The following GLCCI1 variants were observed in gnomAD, a reference collection of about 807,000 sequenced individuals.
GLCCI1 encodes glucocorticoid-induced transcript 1 protein.
Under a neutral mutation model 52.2 loss-of-function variants are expected in GLCCI1, and 24 were observed. The ratio of observed to expected loss-of-function variants is 0.46; its 90% CI spans 0.33 to 0.65. GLCCI1 has a LOEUF of 0.65. Among genes scored for constraint, GLCCI1 ranks in the 30% least tolerant of loss-of-function variants. The pLI is 0.02. For synonymous variants in GLCCI1, 310 were observed against 276.5 expected, an observed-to-expected ratio of 1.12 and a Z score of -1.20; for missense variants, 704 against 701.5, an observed-to-expected ratio of 1.00 and a Z score of -0.04.
At chr7:8,078,442 G>C (rs1479686560) in intron 6 of GLCCI1, among the ~76,000 whole-genome samples, 1 of 152,034 alleles carries the variant, frequency 6.6e-6, no homozygotes, top group East Asian at 1.9e-4. Flanking sequence ...CCACACCCTT[G>C]TCAGCAATTT....
At chr7:8,083,670 A>G (rs1783042970) in intron 6 of GLCCI1, among the ~76,000 whole-genome samples, 1 of 150,580 alleles carries the variant, frequency 6.6e-6, no homozygotes, top group African/African-American at 2.4e-5. Context: ...AATGATAGAG[A>G]AACTGTGTGG....
At chr7:8,003,170 T>C (rs1421409363) in intron 1 of GLCCI1, among the ~76,000 whole-genome samples, 1 of 152,134 alleles carries the variant, frequency 6.6e-6, no homozygotes, top group African/African-American at 2.4e-5. Context: ...AGAAACAGGC[T>C]TAGGGTGCCA....
chr7:8,039,922 A>T (rs1216971974), intron 3 of GLCCI1, among the ~76,000 whole-genome samples: 1 of 150,934 alleles, frequency 6.6e-6, no homozygotes, highest in East Asian at 2.0e-4. Context: ...ACTTGCACCC[A>T]GGAGGCAGAG....
chr7:8,077,186 A>G (rs1383572636), intron 6 of GLCCI1, among the ~76,000 whole-genome samples: 1 of 152,054 alleles, frequency 6.6e-6, no homozygotes, highest in East Asian at 1.9e-4. Flanking sequence ...GGAAAATAAT[A>G]GGGTGTCACC....
chr7:8,052,262 A>G (rs1037444537), intron 3 of GLCCI1, among the ~76,000 whole-genome samples: 1 of 152,234 alleles, frequency 6.6e-6, no homozygotes, highest in Non-Finnish European at 1.5e-5. Context: ...CTCAGCACTC[A>G]AACCGCAAAC....
chr7:8,021,150 T>A (rs1355153944), intron 2 of GLCCI1, among the ~76,000 whole-genome samples: 1 of 152,194 alleles, frequency 6.6e-6, no homozygotes, highest in African/African-American at 2.4e-5. Context: ...TAAGACGTGG[T>A]GATTATTTTA....
intron 6 of GLCCI1, 101 bp from the exon 7 acceptor site, chr7:8,084,796 A>T (rs1400615704): frequency 2.6e-6 from 3 of 1,139,490 alleles, no homozygotes; most frequent in Non-Finnish European, 3.8e-6. Flanking sequence ...GTCAAAGCAT[A>T]GGGGCAGTAG....
At chr7:8,078,091 G>A (rs1030837523) in intron 6 of GLCCI1, among the ~76,000 whole-genome samples, 10 of 151,660 alleles carry the variant, frequency 6.6e-5, no homozygotes, top group Admixed American at 1.3e-4. Flanking sequence ...AAAATGAGCC[G>A]GGCGTGGTGG....
At chr7:7,971,773 G>A (rs1184098654) in intron 1 of GLCCI1, among the ~76,000 whole-genome samples, 1 of 152,164 alleles carries the variant, frequency 6.6e-6, no homozygotes, top group Non-Finnish European at 1.5e-5. Flanking sequence ...TGGCACATAC[G>A]AGTTTAATGC....
intron 1 of GLCCI1, among the ~76,000 whole-genome samples, chr7:8,001,547 A>C (rs1458432766): frequency 1.3e-5 from 2 of 152,334 alleles, no homozygotes; most frequent in East Asian, 3.9e-4. Context: ...GACAGTGGTG[A>C]TTCCTCAAGG....
intron 5 of GLCCI1, among the ~76,000 whole-genome samples, chr7:8,062,805 C>T (rs1371168474): frequency 6.6e-6 from 1 of 152,152 alleles, no homozygotes; most frequent in Non-Finnish European, 1.5e-5. Context: ...TGGTCTTACT[C>T]TTTTTATGGC....
chr7:8,061,980 T>C (rs1281928568), intron 5 of GLCCI1, among the ~76,000 whole-genome samples: 1 of 152,182 alleles, frequency 6.6e-6, no homozygotes. Flanking sequence ...TAAAGTGTTT[T>C]TTTTATGCAT....
At chr7:7,990,024 T>C (rs1285996867) in intron 1 of GLCCI1, among the ~76,000 whole-genome samples, 1 of 151,844 alleles carries the variant, frequency 6.6e-6, no homozygotes, top group East Asian at 1.9e-4. Flanking sequence ...TTTAAAAATG[T>C]AATCAGAAGT....
intron 5 of GLCCI1, among the ~76,000 whole-genome samples, chr7:8,063,548 G>T (rs574722893): frequency 9.3e-5 from 14 of 150,220 alleles, no homozygotes; most frequent in East Asian, 2.0e-4. Flanking sequence ...TCATATGCTT[G>T]TTGGCCACGT....
At chr7:8,071,183 T>A in intron 6 of GLCCI1, 52 bp downstream of exon 6, 1 of 1,395,632 alleles carries the variant, frequency 7.2e-7, no homozygotes, top group Non-Finnish European at 1.0e-6. Flanking sequence ...TTGCTCATTA[T>A]ACCTTGTCTT....
intron 3 of GLCCI1, among the ~76,000 whole-genome samples, chr7:8,040,840 T>C (rs1438895714): frequency 6.6e-6 from 1 of 152,238 alleles, no homozygotes; most frequent in East Asian, 1.9e-4. Context: ...ATGCATGTGC[T>C]TTGCTTCATC....
rs114237881 is a variant in GLCCI1, at chr7:8,071,250, G to A, written c.1177+119G>A. ...TCAATGGTGACATTGTCAAAGATTG[G>A]TTAATCTAGGTTTCTTTGTTCATTG... On this transcript the variant is annotated intron_variant, in intron 6 of 7. Transcript: ENST00000223145. 1,414 of 763,628 alleles carry A rather than the reference G, an allele frequency of 1.9e-3. 18 individuals carry two copies. In the African/African-American group the frequency reaches 0.023, roughly 12 times the overall value. 47.3% of individuals were successfully genotyped at this position (763,628 alleles called of 1,614,324 possible). A position where few individuals can be genotyped will look rare whatever the true frequency, so the allele number is the denominator to read the frequency against.
chr7:8,031,796 A>G (rs1781757209), intron 3 of GLCCI1, among the ~76,000 whole-genome samples: 1 of 152,056 alleles, frequency 6.6e-6, no homozygotes, highest in Admixed American at 6.5e-5. Flanking sequence ...TGGAATAGAT[A>G]TGTTAATATC....
Position 8,086,373 on chromosome 7 carries a change from C to A in GLCCI1, c.1479C>A (p.Thr493=). 6.2e-7 allele frequency: 1 copy of A among 1,614,126 alleles called. No homozygotes were observed. The highest frequency in any genetic ancestry group is 8.5e-7 in the Non-Finnish European group (1 of 1,180,010). The change falls in exon 8 of 8, where the codon ACC becomes ACA. Residue 493 remains threonine, a synonymous_variant. Coordinates refer to ENST00000223145, the MANE Select transcript of GLCCI1 (RefSeq NM_138426.4). The surrounding 1 kb of genome is among the most constrained non-coding windows in gnomAD (Gnocchi z 4.4). ...AGAGCTCAGCTTTGGCAACTCTGAC[C>A]GTTGAGCAGCTCTCATCCCGGGTTT... is the stretch of plus-strand genomic sequence containing the variant. The part of the protein sequence containing the change: ...SGQSSALATL[T]VEQLSSRVSF...
Sources: allele counts gnomAD v4.1 joint callset (sites outside exome capture counted in the v4.1 genomes callset), GRCh38; gene constraint gnomAD v4.1.1; non-coding constraint Gnocchi (gnomAD v3.1); transcripts MANE v1.5; gene names NCBI Gene and HGNC (gene_info 2026-07-23, HGNC 2026-07-21).